DIP2C: variants seen among roughly 807,000 people sequenced by gnomAD.
The protein encoded by DIP2C is disco-interacting protein 2 homolog C.
Under a neutral mutation model 192.4 loss-of-function variants are expected in DIP2C, and 33 were observed. That is an observed-to-expected ratio of 0.17 (90% confidence interval 0.13 to 0.23). The LOEUF (loss-of-function observed/expected upper bound fraction) is 0.23, where lower values mean the gene tolerates loss of function less well. DIP2C is among the 10% of genes least tolerant of loss of function. The probability of loss-of-function intolerance (pLI) is 1.00; values close to 1 mark genes in which losing one functional copy is unlikely to be tolerated. For synonymous variants in DIP2C, 979 were observed against 864.1 expected, an observed-to-expected ratio of 1.13 and a Z score of -2.33; for missense variants, 1,537 against 2,110.1, an observed-to-expected ratio of 0.73 and a Z score of 5.32.
At chr10:334,238 C>T (rs1957640181) in intron 29 of DIP2C, among the ~76,000 whole-genome samples, 1 of 127,658 alleles carries the variant, frequency 7.8e-6, no homozygotes, top group Non-Finnish European at 1.5e-5. Flanking sequence ...ACCTTGGAGG[C>T]AGAGGTGGCA....
chr10:288,306 C>A, intron 33 of DIP2C, 58 bp downstream of exon 33: 1 of 1,497,196 alleles, frequency 6.7e-7, no homozygotes, highest in Non-Finnish European at 9.2e-7. Context: ...AATTTCAAAG[C>A]CCATACAGTC....
chr10:521,421 C>A (rs1408825747), intron 1 of DIP2C, among the ~76,000 whole-genome samples: 1 of 152,174 alleles, frequency 6.6e-6, no homozygotes, highest in Non-Finnish European at 1.5e-5. Context: ...TCATCCCTGG[C>A]CACATGCTCA....
intron 4 of DIP2C, among the ~76,000 whole-genome samples, chr10:426,743 G>T (rs116436385): frequency 2.0e-5 from 3 of 152,152 alleles, no homozygotes; most frequent in African/African-American, 7.2e-5. Flanking sequence ...AGACAATTCA[G>T]TAAGAGAAAG....
chr10:487,942 G>A lies in DIP2C; in HGVS notation c.86-1412C>T, dbSNP rs528605538. ...TTCTGCAGAAATGTTAAAGCTTGCC[G>A]GGCACTCCACACCGGCAGCCATCAG... is the stretch of plus-strand genomic sequence containing the variant. On this transcript the variant is annotated intron_variant, in intron 1 of 36. Transcript: ENST00000280886. 7.2e-5 allele frequency among the ~76,000 whole-genome samples: 11 copies of A among 152,278 alleles called. No individual in the cohort carries two copies. The South Asian group carries it at 1.0e-3, about 14-fold the overall frequency.
chr10:612,514 G>T (rs1853166486), intron 1 of DIP2C, among the ~76,000 whole-genome samples: 1 of 152,176 alleles, frequency 6.6e-6, no homozygotes, highest in African/African-American at 2.4e-5. Context: ...TGTGGGGTAA[G>T]ACCTCAAGGC....
rs1186892346 is a variant in DIP2C, at chr10:651,602, T to C, written c.85+37892A>G. 4 of 368,330 alleles carry C rather than the reference T, an allele frequency of 1.1e-5. No homozygotes were observed. The highest frequency in any genetic ancestry group is 2.1e-5 in the Non-Finnish European group (4 of 189,666). 22.8% of individuals were successfully genotyped at this position (368,330 alleles called of 1,614,324 possible). On this transcript the variant is annotated intron_variant, in intron 1 of 36. Coordinates refer to ENST00000280886, the MANE Select transcript of DIP2C (RefSeq NM_014974.3). The surrounding 1 kb of genome is among the most constrained non-coding windows in gnomAD (Gnocchi z 4.1). ...GTATTTCCCCCAAAAGGTGCATCTT[T>C]TATAAAACAAGAACGCAAGGCTCTG...
chr10:618,372 A>G (rs377617173), intron 1 of DIP2C, among the ~76,000 whole-genome samples: 302 of 152,290 alleles, frequency 2.0e-3, no homozygotes, highest in African/African-American at 5.6e-3. Flanking sequence ...GCTCCTTCCC[A>G]CTGACATGGC....
intron 3 of DIP2C, among the ~76,000 whole-genome samples, chr10:465,376 T>C (rs976640633): frequency 4.7e-5 from 7 of 149,708 alleles, no homozygotes; most frequent in African/African-American, 1.7e-4. Flanking sequence ...TAGGTATTGA[T>C]GGGACATATT....
At chr10:608,070 C>A (rs923265206) in intron 1 of DIP2C, among the ~76,000 whole-genome samples, 1 of 150,850 alleles carries the variant, frequency 6.6e-6, no homozygotes, top group Non-Finnish European at 1.5e-5. Flanking sequence ...CAAATCTGGT[C>A]TTTGATCTAC....
rs569722635 is a variant in DIP2C at position 670,233 on chromosome 10, C to A, written c.85+19261G>T. ...GCACACATACGCACACGCATGCATG[C>A]ACACGCATATGCACACACGTACATG... is the stretch of plus-strand genomic sequence containing the variant. On this transcript the variant is annotated intron_variant, in intron 1 of 36. Transcript: ENST00000280886. Among the ~76,000 whole-genome samples the A allele has an allele frequency of 5.3e-5, 8 of 152,270 alleles. No homozygotes were observed. In the South Asian group the frequency reaches 8.3e-4, roughly 16 times the overall value.
chr10:511,804 T>C (rs983313056), intron 1 of DIP2C, among the ~76,000 whole-genome samples: 7 of 152,210 alleles, frequency 4.6e-5, no homozygotes, highest in Admixed American at 3.3e-4. Context: ...TGAAATGCAA[T>C]ACATATTTAA....
chr10:450,409 G>A (rs1298352348), intron 3 of DIP2C, among the ~76,000 whole-genome samples: 1 of 152,154 alleles, frequency 6.6e-6, no homozygotes. Flanking sequence ...TGGCTCAACT[G>A]TATAAAAGCT....
intron 1 of DIP2C, among the ~76,000 whole-genome samples, chr10:562,218 CAG>C: frequency 6.6e-6 from 1 of 152,324 alleles, no homozygotes; most frequent in South Asian, 2.1e-4. Context: ...TTAACACACA[CAG>C]AGGATCCACG....
At chr10:295,720 C>T (rs184565142) in intron 32 of DIP2C, among the ~76,000 whole-genome samples, 2 of 151,688 alleles carry the variant, frequency 1.3e-5, no homozygotes, top group East Asian at 3.9e-4. Flanking sequence ...ACTAATACAG[C>T]CACTATGGAG....
chr10:641,981 C>T (rs903430985), intron 1 of DIP2C, among the ~76,000 whole-genome samples: 2 of 151,968 alleles, frequency 1.3e-5, no homozygotes, highest in African/African-American at 4.8e-5. Flanking sequence ...CAAGATTGCA[C>T]CACTGCACTC....
chr10:649,192 T>G (rs543223055), intron 1 of DIP2C, among the ~76,000 whole-genome samples: 8 of 150,086 alleles, frequency 5.3e-5, no homozygotes, highest in African/African-American at 1.5e-4. Context: ...ACGTCCACAT[T>G]TGACGGTGGG....
At chr10:422,346 CTT>C (rs1966248849) in intron 5 of DIP2C, among the ~76,000 whole-genome samples, 1 of 152,216 alleles carries the variant, frequency 6.6e-6, no homozygotes, top group African/African-American at 2.4e-5. Flanking sequence ...GTGATCCTAA[CTT>C]TGTGCTTTTT....
chr10:545,839 AAAGC>A (rs1358163842), intron 1 of DIP2C, among the ~76,000 whole-genome samples: 1 of 152,240 alleles, frequency 6.6e-6, no homozygotes, highest in African/African-American at 2.4e-5. Context: ...GGAAAAAAGT[AAAGC>A]AACCCCTTAC....
intron 1 of DIP2C, among the ~76,000 whole-genome samples, chr10:683,739 G>C (rs567271214): frequency 6.6e-6 from 1 of 152,212 alleles, no homozygotes; most frequent in African/African-American, 2.4e-5. Context: ...CTCAGCCAAT[G>C]TGCACAGCAT....
Sources: allele counts gnomAD v4.1 joint callset (sites outside exome capture counted in the v4.1 genomes callset), GRCh38; gene constraint gnomAD v4.1.1; non-coding constraint Gnocchi (gnomAD v3.1); transcripts MANE v1.5; gene names NCBI Gene and HGNC (gene_info 2026-07-23, HGNC 2026-07-21).